The following RANBP2 variants were observed in gnomAD, a reference collection of about 807,000 sequenced individuals.
RANBP2 encodes RAN binding protein 2.
In RANBP2, 57 loss-of-function variants were observed where a neutral mutation model predicts 303.6. The observed-to-expected ratio is 0.19, with a 90% CI of 0.15 to 0.23. The LOEUF (loss-of-function observed/expected upper bound fraction) is 0.23. Ranked by LOEUF, RANBP2 falls within the 10% of genes least tolerant of loss-of-function variation. The pLI, the probability that RANBP2 is intolerant of heterozygous loss-of-function variation, is 1.00. For missense variants in RANBP2, 3,138 were observed against 3,780.8 expected, an observed-to-expected ratio of 0.83 and a Z score of 4.46; for synonymous variants, 1,167 against 1,301.5, an observed-to-expected ratio of 0.90 and a Z score of 2.23.
At chr2:108,889,118 C>T in the RANBP2 span, among the ~76,000 whole-genome samples, 14 of 152,156 alleles carry the variant, frequency 9.2e-5, no homozygotes, top group African/African-American at 3.1e-4. Flanking sequence ...CAAAGTTCCT[C>T]ATGGTATTGA....
chr2:109,080,539 A>G, the RANBP2 span, among the ~76,000 whole-genome samples: 360 of 152,262 alleles, frequency 2.4e-3, 3 homozygotes, highest in Admixed American at 4.1e-3. Flanking sequence ...GCTCTCATCT[A>G]TCTCACTGTC....
At chr2:109,351,581 C>T in the RANBP2 span, among the ~76,000 whole-genome samples, 2 of 152,280 alleles carry the variant, frequency 1.3e-5, no homozygotes, top group Admixed American at 6.5e-5. Context: ...CAGGCAGCTG[C>T]ATTTGCTATG....
chr2:108,908,202 C>T, the RANBP2 span, among the ~76,000 whole-genome samples: 1 of 152,188 alleles, frequency 6.6e-6, no homozygotes, highest in East Asian at 1.9e-4. Flanking sequence ...AGACATACAC[C>T]GGTGGCTTCC....
At chr2:109,162,390 C>T in the RANBP2 span, among the ~76,000 whole-genome samples, 1 of 152,054 alleles carries the variant, frequency 6.6e-6, no homozygotes, top group African/African-American at 2.4e-5. Flanking sequence ...GCTCCTCAAC[C>T]TTTTTTAAAT....
At chr2:109,333,484 G>A in the RANBP2 span, among the ~76,000 whole-genome samples, 1 of 152,212 alleles carries the variant, frequency 6.6e-6, no homozygotes, top group Non-Finnish European at 1.5e-5. Flanking sequence ...AGTCTACAAA[G>A]TGAGGTTTCA....
At chr2:109,260,018 A>G in the RANBP2 span, among the ~76,000 whole-genome samples, 1 of 152,088 alleles carries the variant, frequency 6.6e-6, no homozygotes, top group African/African-American at 2.4e-5. Flanking sequence ...ATCTTTTCCA[A>G]GTAGTAATTG....
chr2:109,339,393 A>G, the RANBP2 span, among the ~76,000 whole-genome samples: 1 of 152,098 alleles, frequency 6.6e-6, no homozygotes, highest in African/African-American at 2.4e-5. Context: ...CTCTGCCTTT[A>G]GTCCCCTCCT....
the RANBP2 span, among the ~76,000 whole-genome samples, chr2:109,417,049 C>A: frequency 6.6e-6 from 1 of 152,144 alleles, no homozygotes; most frequent in Non-Finnish European, 1.5e-5. Context: ...GTGTGTCGAG[C>A]CTGTTGTCCC....
the RANBP2 span, among the ~76,000 whole-genome samples, chr2:109,644,015 G>T: frequency 6.6e-6 from 1 of 151,804 alleles, no homozygotes; most frequent in African/African-American, 2.4e-5. Flanking sequence ...CAGCTACTCG[G>T]GAGGCTGAGG....
At chr2:109,732,457 G>T in the RANBP2 span, among the ~76,000 whole-genome samples, 1 of 151,084 alleles carries the variant, frequency 6.6e-6, no homozygotes, top group Non-Finnish European at 1.5e-5. Flanking sequence ...CCCTCTTTCA[G>T]TATGAACCAC....
the RANBP2 span, among the ~76,000 whole-genome samples, chr2:109,668,163 C>A: frequency 4.8e-3 from 735 of 152,294 alleles, 3 homozygotes; most frequent in Non-Finnish European, 7.4e-3. Context: ...ATGAAGCCTG[C>A]AATTGCAGGA....
the RANBP2 span, among the ~76,000 whole-genome samples, chr2:109,027,258 A>C: frequency 2.0e-5 from 3 of 151,238 alleles, no homozygotes; most frequent in Non-Finnish European, 3.0e-5. Context: ...AAAAAAAAAA[A>C]AAAAAACAAG....
At chr2:109,416,924 AGAATT>A in the RANBP2 span, among the ~76,000 whole-genome samples, 1,831 of 149,924 alleles carry the variant, frequency 0.012, 44 homozygotes, top group African/African-American at 0.043. Flanking sequence ...AAAAAAAAAA[AGAATT>A]GTATGTCCAG....
At chr2:109,652,880 T>A in the RANBP2 span, among the ~76,000 whole-genome samples, 26 of 152,184 alleles carry the variant, frequency 1.7e-4, no homozygotes, top group African/African-American at 6.0e-4. Flanking sequence ...GTCCCCAGTG[T>A]CTTAGTGTTT....
At chr2:108,807,472 C>A in the RANBP2 span, among the ~76,000 whole-genome samples, 1 of 152,102 alleles carries the variant, frequency 6.6e-6, no homozygotes, top group South Asian at 2.1e-4. Flanking sequence ...GCTAATCCAT[C>A]AGCTCAAACA....
the RANBP2 span, among the ~76,000 whole-genome samples, chr2:109,295,306 A>G: frequency 2.0e-4 from 30 of 152,310 alleles, no homozygotes; most frequent in African/African-American, 7.0e-4. Context: ...CCCAATTTGT[A>G]GATGAGGAAA....
the RANBP2 span, among the ~76,000 whole-genome samples, chr2:109,340,941 C>T: frequency 6.6e-6 from 1 of 152,206 alleles, no homozygotes; most frequent in Non-Finnish European, 1.5e-5. Context: ...CCTCTCCAAT[C>T]TGGCTGCAAC....
At chr2:109,515,761 T>G in the RANBP2 span, among the ~76,000 whole-genome samples, 1 of 152,300 alleles carries the variant, frequency 6.6e-6, no homozygotes, top group Admixed American at 6.5e-5. Flanking sequence ...TTGCATCTGG[T>G]GAGGCCTCGG....
chr2:109,003,205 C>CAAAAAA, the RANBP2 span, among the ~76,000 whole-genome samples: 5 of 45,434 alleles, frequency 1.1e-4, no homozygotes, highest in East Asian at 6.5e-4. Flanking sequence ...GTCTCCCTCT[C>CAAAAAA]AAAAAAAAAA....
Sources: allele counts gnomAD v4.1 joint callset (sites outside exome capture counted in the v4.1 genomes callset), GRCh38; gene constraint gnomAD v4.1.1; transcripts MANE v1.5; gene names NCBI Gene and HGNC (gene_info 2026-07-23, HGNC 2026-07-21).